Variants in ZEB1 observed in about 807,000 individuals in gnomAD.
ZEB1 encodes zinc finger E-box-binding homeobox 1.
A neutral mutation model predicts 84.9 loss-of-function variants in ZEB1; 21 were observed. The ratio of observed to expected loss-of-function variants is 0.25; its 90% CI spans 0.18 to 0.36. The LOEUF (loss-of-function observed/expected upper bound fraction) is 0.36, where lower values mean the gene tolerates loss of function less well. Among genes scored for constraint, ZEB1 ranks in the 10% least tolerant of loss-of-function variants. The probability of loss-of-function intolerance (pLI) is 1.00; values close to 1 mark genes in which losing one functional copy is unlikely to be tolerated. For synonymous variants in ZEB1, 420 were observed against 471.1 expected, an observed-to-expected ratio of 0.89 and a Z score of 1.41; for missense variants, 1,104 against 1,330.2, an observed-to-expected ratio of 0.83 and a Z score of 2.65.
chr10:31,372,897 TATA>T (rs1161826623), intron 1 of ZEB1: 6 of 591,748 alleles, frequency 1.0e-5, no homozygotes, highest in Admixed American at 1.3e-4. Flanking sequence ...TCTTCTCAAA[TATA>T]ATATTAGGAC....
rs529512021 is a variant in ZEB1, at chr10:31,446,057, T to G, written c.59-14980T>G. Among the ~76,000 whole-genome samples, 57 of 144,178 alleles carry G rather than the reference T, an allele frequency of 4.0e-4. 1 individual carries two copies. The highest frequency in any genetic ancestry group is 6.1e-4 in the Non-Finnish European group (40 of 65,944). The allele number at this position is 144,178 out of a possible 152,430, so 94.6% of individuals were successfully genotyped here. ...AATCCATCTGGTCCTGGACTCTTTT[T>G]GGTTGGTAAACTATTGATTATTGCC... On this transcript the variant is annotated intron_variant, in intron 1 of 8. Transcript: ENST00000424869.
intron 1 of ZEB1, among the ~76,000 whole-genome samples, chr10:31,451,792 G>A (rs1304396766): frequency 1.3e-5 from 2 of 152,160 alleles, no homozygotes; most frequent in African/African-American, 4.8e-5. Flanking sequence ...TAATTTGGGA[G>A]GATGGCTCTT....
intron 8 of ZEB1, among the ~76,000 whole-genome samples, chr10:31,525,706 CCTT>C (rs1205017284): frequency 6.6e-6 from 1 of 152,112 alleles, no homozygotes; most frequent in East Asian, 1.9e-4. Context: ...AATTGTTTTT[CCTT>C]CTTCAATCTG....
chr10:31,348,492 T>A (rs1009813888), intron 1 of ZEB1, among the ~76,000 whole-genome samples: 1 of 151,912 alleles, frequency 6.6e-6, no homozygotes, highest in Non-Finnish European at 1.5e-5. Context: ...TGCACCTGGG[T>A]GGTGGAGGTT....
intron 1 of ZEB1, among the ~76,000 whole-genome samples, chr10:31,394,113 A>AT (rs1409972852): frequency 6.6e-6 from 1 of 152,194 alleles, no homozygotes; most frequent in Non-Finnish European, 1.5e-5. Flanking sequence ...ACTACAATCT[A>AT]TTTCAGGTTG....
At position 31,521,109 on chromosome 10, in the gene ZEB1, C is replaced by T. The variant is rs1592092173; in HGVS notation, c.1777C>T (p.Leu593Phe). The change falls in exon 7 of 9, where the codon CTC (leucine) becomes TTC (phenylalanine). Residue 593 changes from leucine (L) to phenylalanine (F), a missense_variant. Transcript: ENST00000424869. The stretch of plus-strand genomic sequence containing the variant: ...TCCTAGTCAGCCACCTTTAAAGAAC[C>T]TCTTGTCTCTCCTAAAAGCATATTA... ...LSPSQPPLKN[L>F]LSLLKAYYAL... 3.7e-6 allele frequency: 6 copies of T among 1,614,090 alleles called. No individual in the cohort carries two copies. Among genetic ancestry groups the T allele is most frequent in the East Asian group, 4.5e-5 (2 of 44,858 alleles).
intron 1 of ZEB1, among the ~76,000 whole-genome samples, chr10:31,420,338 C>T (rs2055945178): frequency 6.6e-6 from 1 of 152,114 alleles, no homozygotes; most frequent in Non-Finnish European, 1.5e-5. Context: ...ATCAAGGTAC[C>T]AGCCAGGCTA....
intron 2 of ZEB1, among the ~76,000 whole-genome samples, chr10:31,462,793 A>G (rs2061962665): frequency 6.6e-6 from 1 of 152,180 alleles, no homozygotes; most frequent in African/African-American, 2.4e-5. Flanking sequence ...TGGAAAAAGA[A>G]TTTTAGAGGG....
At chr10:31,322,398 T>C (rs534679310) in intron 1 of ZEB1, among the ~76,000 whole-genome samples, 1 of 152,368 alleles carries the variant, frequency 6.6e-6, no homozygotes, top group Admixed American at 6.5e-5. Flanking sequence ...AGAGATAGTT[T>C]ATGTTGTTAT....
chr10:31,441,833 A>G (rs1393609319), intron 1 of ZEB1, among the ~76,000 whole-genome samples: 4 of 152,262 alleles, frequency 2.6e-5, no homozygotes, highest in African/African-American at 9.6e-5. Context: ...GCCATCAGAG[A>G]AATGCAAATC....
At chr10:31,396,950 G>A (rs2050838022) in intron 1 of ZEB1, among the ~76,000 whole-genome samples, 1 of 151,592 alleles carries the variant, frequency 6.6e-6, no homozygotes, top group African/African-American at 2.4e-5. Context: ...GTATGTAACA[G>A]TCCAGAAGAA....
intron 1 of ZEB1, among the ~76,000 whole-genome samples, chr10:31,323,221 TTA>T (rs2034568887): frequency 6.6e-6 from 1 of 152,130 alleles, no homozygotes; most frequent in Non-Finnish European, 1.5e-5. Context: ...TGACCCATAT[TTA>T]TGTTGCATAT....
intron 2 of ZEB1, among the ~76,000 whole-genome samples, chr10:31,470,027 A>G (rs890259354): frequency 5.3e-5 from 8 of 151,848 alleles, no homozygotes; most frequent in African/African-American, 1.9e-4. Context: ...GAAAACTAAC[A>G]AACAGAAAGG....
intron 1 of ZEB1, among the ~76,000 whole-genome samples, chr10:31,336,089 T>A (rs1188251805): frequency 1.3e-5 from 2 of 152,152 alleles, no homozygotes; most frequent in African/African-American, 4.8e-5. Context: ...TAATGTACCA[T>A]GTTTATAAAA....
intron 1 of ZEB1, among the ~76,000 whole-genome samples, chr10:31,396,687 T>C (rs970914394): frequency 3.3e-5 from 5 of 152,220 alleles, no homozygotes; most frequent in African/African-American, 1.2e-4. Context: ...CATGGATTAT[T>C]GTCTTGCTGT....
rs2140006318 is a variant in ZEB1 at position 31,528,698 on chromosome 10, G to A, written c.*1434G>A. 6.6e-6 allele frequency: 1 copy of A among 151,972 alleles called. No homozygotes were observed. Among genetic ancestry groups the A allele is most frequent in the East Asian group, 1.9e-4 (1 of 5,178 alleles). The allele number at this position is 151,972 out of a possible 1,614,324, so 9.4% of individuals were successfully genotyped here. A position where few individuals can be genotyped will look rare whatever the true frequency, so the allele number is the denominator to read the frequency against. ...AGTGTAGTGTATAATACTGTAGTTT[G>A]TATTAATACAATAATATATTTTAGT... On this transcript the variant is annotated 3_prime_UTR_variant, in exon 9 of 9. Transcript: ENST00000424869.
intron 1 of ZEB1, among the ~76,000 whole-genome samples, chr10:31,407,542 G>A (rs955940287): frequency 6.6e-6 from 1 of 151,772 alleles, no homozygotes; most frequent in African/African-American, 2.4e-5. Context: ...TGTGAATAAT[G>A]CCGCAATAAA....
At chr10:31,444,741 TC>T (rs1318531664) in intron 1 of ZEB1, among the ~76,000 whole-genome samples, 1 of 151,996 alleles carries the variant, frequency 6.6e-6, no homozygotes, top group Non-Finnish European at 1.5e-5. Flanking sequence ...CGGCGTTATT[TC>T]TGAGGGCTCT....
chr10:31,467,951 G>T (rs2062652184), intron 2 of ZEB1, among the ~76,000 whole-genome samples: 1 of 152,154 alleles, frequency 6.6e-6, no homozygotes, highest in Non-Finnish European at 1.5e-5. Flanking sequence ...CGGCTGCCAG[G>T]GTGGACACTG....
Sources: gnomAD v4.1 joint callset for allele counts (sites outside exome capture counted in the v4.1 genomes callset) on GRCh38, gnomAD v4.1.1 for gene constraint, MANE v1.5 for transcripts, NCBI Gene and HGNC (gene_info 2026-07-23, HGNC 2026-07-21) for gene names.